Variants in PCDHA2 observed in about 807,000 individuals in gnomAD.
The protein encoded by PCDHA2 is protocadherin alpha-2.
In PCDHA2, 58 loss-of-function variants were observed where a neutral mutation model predicts 66.0. The ratio of observed to expected loss-of-function variants is 0.88; its 90% CI spans 0.71 to 1.09. The LOEUF (loss-of-function observed/expected upper bound fraction) is 1.09, where lower values mean the gene tolerates loss of function less well. Ranked by LOEUF, PCDHA2 falls within the 50% of genes least tolerant of loss-of-function variation. The pLI is 0.00. For missense variants in PCDHA2, 1,267 were observed against 1,242.3 expected, an observed-to-expected ratio of 1.02 and a Z score of -0.30; for synonymous variants, 634 against 554.0, an observed-to-expected ratio of 1.14 and a Z score of -2.03.
intron 1 of PCDHA2, chr5:140,803,080 C>G: frequency 6.2e-7 from 1 of 1,613,930 alleles, no homozygotes; most frequent in Non-Finnish European, 8.5e-7. Flanking sequence ...GGGCTGTACA[C>G]GGGAGAGATC....
rs2045073152 is a variant in PCDHA2 at position 140,857,980 on chromosome 5, G to T, written c.2388+60628G>T. ...TGGATGAGACTGACTCGCCACGCCA[G>T]CGCCTACTGGTGCTGGTGAAGGACC... On this transcript the variant is annotated intron_variant, in intron 1 of 3. Coordinates refer to ENST00000526136, the MANE Select transcript of PCDHA2 (RefSeq NM_018905.3). The T allele has an allele frequency of 1.3e-6, 2 of 1,597,100 alleles. 1 individual carries two copies. Among genetic ancestry groups the T allele is most frequent in the Non-Finnish European group, 1.7e-6 (2 of 1,167,294 alleles).
chr5:140,819,984 T>C (rs1766665390), intron 1 of PCDHA2, among the ~76,000 whole-genome samples: 2 of 152,046 alleles, frequency 1.3e-5, no homozygotes. Flanking sequence ...TCTTTGTGTA[T>C]TTTGTATAAA....
intron 1 of PCDHA2, chr5:140,848,263 A>C: frequency 2.1e-6 from 1 of 484,676 alleles, no homozygotes; most frequent in Non-Finnish European, 3.6e-6. Context: ...TGAAATTTTT[A>C]TTCATGAAAT....
At chr5:140,968,923 T>C in intron 1 of PCDHA2, 1 of 1,614,212 alleles carries the variant, frequency 6.2e-7, no homozygotes, top group Non-Finnish European at 8.5e-7. Flanking sequence ...CTTTTATATT[T>C]CTTTTGACAA....
chr5:140,924,876 C>G (rs1380631161), intron 1 of PCDHA2, among the ~76,000 whole-genome samples: 1 of 144,704 alleles, frequency 6.9e-6, no homozygotes, highest in Non-Finnish European at 1.5e-5. Flanking sequence ...GCCTGGGTGA[C>G]AGAGCAAGAA....
chr5:140,796,587 C>T lies in PCDHA2; in HGVS notation c.1623C>T (p.Gly541=). 1 of 1,613,340 alleles carries T rather than the reference C, an allele frequency of 6.2e-7. No individual in the cohort carries two copies. Among genetic ancestry groups the T allele is most frequent in the Non-Finnish European group, 8.5e-7 (1 of 1,179,850 alleles). Residue 541 remains glycine (G), a synonymous_variant, in exon 1 of 4, where the codon GGC becomes GGT. Coordinates refer to ENST00000526136, the MANE Select transcript of PCDHA2 (RefSeq NM_018905.3). ...LQFQVSARDA[G]VPPLGSNVTL... Reference sequence around the variant, plus strand: ...TCCAGGTGAGCGCGCGGGATGCGGGCGTGCCGCCTCTGGGCAGCAACGTGA... The same window carrying T: ...TCCAGGTGAGCGCGCGGGATGCGGGTGTGCCGCCTCTGGGCAGCAACGTGA...
At chr5:140,850,216 A>G (rs1390676090) in intron 1 of PCDHA2, 5 of 1,593,446 alleles carry the variant, frequency 3.1e-6, no homozygotes, top group Non-Finnish European at 4.3e-6. Flanking sequence ...AGGGGCACTG[A>G]CGGCGCAGTG....
chr5:140,968,709 T>C lies in PCDHA2; in HGVS notation c.2389-10240T>C, dbSNP rs2153773320. ...GGAGAAATTAGGACTACCAGGAAGA[T>C]GGGAGATGAGAGTGGTAGCACTTTC... On this transcript the variant is annotated intron_variant, in intron 1 of 3. Coordinates refer to ENST00000526136, the MANE Select transcript of PCDHA2 (RefSeq NM_018905.3). The C allele has an allele frequency of 1.9e-6, 3 of 1,614,030 alleles. No homozygotes were observed. In the East Asian group the frequency reaches 6.7e-5, roughly 36 times the overall value.
At chr5:140,859,390 C>G (rs911308831) in intron 1 of PCDHA2, 1 of 268,000 alleles carries the variant, frequency 3.7e-6, no homozygotes, top group Non-Finnish European at 6.7e-6. Flanking sequence ...CTCTAGTCAT[C>G]TTAAACAGGG....
chr5:140,971,019 G>A (rs908442935), intron 1 of PCDHA2, among the ~76,000 whole-genome samples: 2 of 152,174 alleles, frequency 1.3e-5, no homozygotes, highest in African/African-American at 2.4e-5. Flanking sequence ...TCTTTAGATC[G>A]TAGCATTTGA....
chr5:140,827,680 C>A (rs2150148724), intron 1 of PCDHA2, among the ~76,000 whole-genome samples: 1 of 152,178 alleles, frequency 6.6e-6, no homozygotes, highest in Admixed American at 6.5e-5. Context: ...CTTAAATTTG[C>A]TGAACTGGTT....
intron 1 of PCDHA2, among the ~76,000 whole-genome samples, chr5:140,956,672 G>A (rs571890845): frequency 1.3e-5 from 2 of 152,242 alleles, no homozygotes; most frequent in Admixed American, 1.3e-4. Context: ...AAAGGAGTTA[G>A]GGAGGAGTAC....
intron 1 of PCDHA2, chr5:140,828,952 C>T (rs1202172240): frequency 4.5e-5 from 72 of 1,613,992 alleles, no homozygotes; most frequent in Admixed American, 1.5e-4. Context: ...TTGTTGCAGC[C>T]ATGGTTATTG....
chr5:140,944,310 C>T (rs1036800359), intron 1 of PCDHA2, among the ~76,000 whole-genome samples: 6 of 152,132 alleles, frequency 3.9e-5, no homozygotes, highest in Non-Finnish European at 7.4e-5. Flanking sequence ...ACCTCAGCCT[C>T]CTGAGTAGCT....
Position 140,995,490 on chromosome 5 carries a change from A to C in PCDHA2, c.2536+12927A>C, listed in dbSNP as rs181247682. Among the ~76,000 whole-genome samples the C allele has an allele frequency of 2.7e-3, 416 of 152,304 alleles. 1 individual carries two copies. The highest frequency in any genetic ancestry group is 4.2e-3 in the Non-Finnish European group (283 of 68,028). ...ATTTTTCATTTAATATTTTCAGACT[A>C]AGGTTGACTGTGGGTAACTGAAGCC... is the stretch of plus-strand genomic sequence containing the variant. On this transcript the variant is annotated intron_variant, in intron 3 of 3. Transcript: ENST00000526136.
intron 1 of PCDHA2, chr5:140,808,325 G>T (rs1347522156): frequency 1.9e-6 from 3 of 1,614,120 alleles, no homozygotes; most frequent in East Asian, 4.5e-5. Context: ...CAAAGACATG[G>T]GTGTCAATGG....
chr5:140,937,343 A>G (rs1412775724), intron 1 of PCDHA2, among the ~76,000 whole-genome samples: 1 of 151,948 alleles, frequency 6.6e-6, no homozygotes, highest in Non-Finnish European at 1.5e-5. Context: ...GGCTTCTTCC[A>G]TTTATTTTAT....
intron 1 of PCDHA2, among the ~76,000 whole-genome samples, chr5:140,909,491 A>T (rs1031839388): frequency 1.3e-5 from 2 of 152,218 alleles, no homozygotes; most frequent in Non-Finnish European, 2.9e-5. Flanking sequence ...GGAGAGCTGA[A>T]CGGGGATGTG....
intron 1 of PCDHA2, chr5:140,875,720 T>C (rs1554167893): frequency 1.9e-6 from 3 of 1,614,092 alleles, no homozygotes; most frequent in Non-Finnish European, 1.7e-6. Context: ...CAGAATGGCA[T>C]TTTGTTTGTG....
Sources: allele counts gnomAD v4.1 joint callset (sites outside exome capture counted in the v4.1 genomes callset), GRCh38; gene constraint gnomAD v4.1.1; transcripts MANE v1.5; gene names NCBI Gene and HGNC (gene_info 2026-07-23, HGNC 2026-07-21).